The following PDZRN3 variants were observed in gnomAD, a reference collection of about 807,000 sequenced individuals.
PDZRN3 encodes PDZ domain containing ring finger 3, also known as E3 ubiquitin-protein ligase PDZRN3.
PDZRN3 carries 38 observed loss-of-function variants against 85.7 expected under a neutral mutation model. The observed-to-expected ratio is 0.44, with a 90% CI of 0.34 to 0.58. The LOEUF is 0.58. Among genes scored for constraint, PDZRN3 ranks in the 20% least tolerant of loss-of-function variants. The probability of loss-of-function intolerance (pLI) is 0.01; values close to 1 mark genes in which losing one functional copy is unlikely to be tolerated. For missense variants in PDZRN3, 1,629 were observed against 1,506.4 expected (o/e 1.08, Z -1.35); for synonymous variants, 759 against 638.0 (o/e 1.19, Z -2.86).
chr3:73,504,960 T>C (rs1704044714), intron 3 of PDZRN3, among the ~76,000 whole-genome samples: 2 of 152,216 alleles, frequency 1.3e-5, no homozygotes, highest in East Asian at 1.9e-4. Flanking sequence ...AATGTTTTCA[T>C]ATGAATGTGC....
intron 3 of PDZRN3, among the ~76,000 whole-genome samples, chr3:73,426,518 AATTT>A (rs1481154560): frequency 6.6e-6 from 1 of 152,168 alleles, no homozygotes; most frequent in East Asian, 1.9e-4. Context: ...CAAACAAAAC[AATTT>A]ATTTTTGGTA....
chr3:73,469,488 T>C (rs1244112376), intron 3 of PDZRN3, among the ~76,000 whole-genome samples: 1 of 152,208 alleles, frequency 6.6e-6, no homozygotes, highest in East Asian at 1.9e-4. Flanking sequence ...TGCATGCTCT[T>C]GGGGATGGCT....
rs539624915 is a variant in PDZRN3 at position 73,512,499 on chromosome 3, A to C, written c.918+89855T>G. Among the ~76,000 whole-genome samples the C allele has an allele frequency of 5.9e-5, 9 of 152,288 alleles. No individual in the cohort carries two copies. The South Asian group carries it at 1.9e-3, about 32-fold the overall frequency. On this transcript the variant is annotated intron_variant, in intron 3 of 9. Coordinates refer to ENST00000263666, the MANE Select transcript of PDZRN3 (RefSeq NM_015009.3). Reference sequence around the variant, plus strand: ...CATAAAACCCAATGGCAGGCATTTAATAGCGTCATATGGGAATTTTAGTTG... The same window carrying C: ...CATAAAACCCAATGGCAGGCATTTACTAGCGTCATATGGGAATTTTAGTTG...
At chr3:73,461,735 T>C (rs1042139056) in intron 3 of PDZRN3, among the ~76,000 whole-genome samples, 2 of 152,304 alleles carry the variant, frequency 1.3e-5, no homozygotes, top group Admixed American at 6.5e-5. Flanking sequence ...ATGTCATGTG[T>C]ACATAAAAAA....
chr3:73,612,373 C>G lies in PDZRN3; in HGVS notation c.724-3689G>C, dbSNP rs536186794. On this transcript the variant is annotated intron_variant, in intron 1 of 9. Coordinates refer to ENST00000263666, the MANE Select transcript of PDZRN3 (RefSeq NM_015009.3). ...TGTTTGCACCCTGTTCTAAATCCTT[C>G]TGCCTCCAAAGACTGAGCCTGGCAT... Among the ~76,000 whole-genome samples the G allele has an allele frequency of 2.9e-3, 448 of 152,328 alleles. 3 individuals carry two copies. The highest frequency in any genetic ancestry group is 4.9e-3 in the Non-Finnish European group (335 of 68,030).
At chr3:73,478,415 C>T (rs2106900258) in intron 3 of PDZRN3, among the ~76,000 whole-genome samples, 1 of 152,262 alleles carries the variant, frequency 6.6e-6, no homozygotes, top group African/African-American at 2.4e-5. Flanking sequence ...TTATAGAAAT[C>T]TAATGCCTGA....
chr3:73,447,929 T>C (rs1045093483), intron 3 of PDZRN3, among the ~76,000 whole-genome samples: 18 of 152,184 alleles, frequency 1.2e-4, no homozygotes, highest in African/African-American at 4.3e-4. Flanking sequence ...GCTAGCTCCT[T>C]TTCCTCTTGC....
At chr3:73,432,508 GCAGA>G (rs1444713513) in intron 3 of PDZRN3, among the ~76,000 whole-genome samples, 1 of 152,134 alleles carries the variant, frequency 6.6e-6, no homozygotes, top group East Asian at 1.9e-4. Context: ...AGTGGGGAAG[GCAGA>G]CAGACAGAGA....
intron 3 of PDZRN3, among the ~76,000 whole-genome samples, chr3:73,421,368 C>T (rs957106039): frequency 1.3e-5 from 2 of 152,180 alleles, no homozygotes; most frequent in Non-Finnish European, 2.9e-5. Context: ...AAGCCTTCCC[C>T]TTTTACAACT....
chr3:73,487,239 G>A (rs4396823), intron 3 of PDZRN3, among the ~76,000 whole-genome samples: 151,762 of 152,264 alleles, frequency 1, 75,636 homozygotes, highest in Middle Eastern at 1. Context: ...CCACTTTCTA[G>A]AAAAATTTTT....
At chr3:73,410,376 A>G (rs1266821867) in intron 3 of PDZRN3, among the ~76,000 whole-genome samples, 1 of 152,216 alleles carries the variant, frequency 6.6e-6, no homozygotes, top group Non-Finnish European at 1.5e-5. Context: ...AAGTACGTCT[A>G]CTTCAGAGAT....
chr3:73,428,703 T>C (rs1702368775), intron 3 of PDZRN3, among the ~76,000 whole-genome samples: 1 of 152,204 alleles, frequency 6.6e-6, no homozygotes, highest in African/African-American at 2.4e-5. Context: ...AGGTAATCTC[T>C]GGTCCCACCC....
At chr3:73,505,260 C>T (rs1197722910) in intron 3 of PDZRN3, among the ~76,000 whole-genome samples, 1 of 152,060 alleles carries the variant, frequency 6.6e-6, no homozygotes, top group East Asian at 1.9e-4. Context: ...ATGAAATTAC[C>T]CTCTGATTGA....
rs1428983240 is a variant in PDZRN3, at chr3:73,624,282, T to C, written c.544A>G (p.Lys182Glu). ...CGCAGCGCCTCCTTCTTGAGCGCCT[T>C]GTGCAGCGCGCCCAGGCGGGCCTGG... ...ALQARLGALH[K>E]ALKKEALRAG... Residue 182 changes from lysine (K) to glutamate (E), a missense_variant, in exon 1 of 10, where the codon AAG becomes GAG. Lys to Glu is a moderately conservative substitution (Grantham distance 56). Coordinates refer to ENST00000263666, the MANE Select transcript of PDZRN3 (RefSeq NM_015009.3). 1.2e-5 allele frequency: 16 copies of C among 1,380,516 alleles called. No homozygotes were observed. Among genetic ancestry groups the C allele is most frequent in the Non-Finnish European group, 1.4e-5 (15 of 1,075,476 alleles). 85.5% of individuals were successfully genotyped at this position (1,380,516 alleles called of 1,614,324 possible).
In PDZRN3 at chr3:73,386,226, C is replaced by CTTTTTTATTTTT. The variant is rs1701382076; in HGVS notation, c.1519-442_1519-441insAAAAATAAAAAA. On this transcript the variant is annotated intron_variant, in intron 8 of 9. Coordinates refer to ENST00000263666, the MANE Select transcript of PDZRN3 (RefSeq NM_015009.3). ...GCTGTTTGGCTTGGGCAAGATATCACTTTTTTTTTTTTTTTTTTTGAGACA... is the reference window on the plus strand; with the variant it reads ...GCTGTTTGGCTTGGGCAAGATATCACTTTTTTATTTTTTTTTTTTTTTTTTTTTTTTGAGACA... Among the ~76,000 whole-genome samples the CTTTTTTATTTTT allele has an allele frequency of 3.3e-5, 3 of 90,730 alleles. 1 individual carries two copies. The highest frequency in any genetic ancestry group is 6.2e-5 in the Non-Finnish European group (3 of 48,438). The allele number at this position is 90,730 out of a possible 152,430, so 59.5% of individuals were successfully genotyped here.
intron 8 of PDZRN3, 150 bp downstream of exon 8, chr3:73,387,818 G>C (rs73838519): frequency 1.7e-6 from 1 of 591,214 alleles, no homozygotes; most frequent in Admixed American, 2.7e-5. Flanking sequence ...CTCATAAAGT[G>C]AATTCTGAAT....
chr3:73,390,650 TGTGTGA>T lies in PDZRN3; in HGVS notation c.1353+362_1353+367del, dbSNP rs1213667646. On this transcript the variant is annotated intron_variant, in intron 6 of 9. Transcript: ENST00000263666. ...AGAAAAAAAAATGTGTGTGTGTGTGTGTGTGAGAGAGAGAGAGAGAGAGGCTTTAAA... is the reference window on the plus strand; with the variant it reads ...AGAAAAAAAAATGTGTGTGTGTGTGTGAGAGAGAGAGAGAGAGGCTTTAAA... Among the ~76,000 whole-genome samples the T allele has an allele frequency of 3.1e-5, 4 of 130,126 alleles. No homozygotes were observed. The Admixed American group carries it at 3.3e-4, about 11-fold the overall frequency. 85.4% of individuals were successfully genotyped at this position (130,126 alleles called of 152,430 possible). A position where few individuals can be genotyped will look rare whatever the true frequency, so the allele number is the denominator to read the frequency against.
chr3:73,389,693 T>A, intron 7 of PDZRN3, 123 bp downstream of exon 7: 1 of 729,014 alleles, frequency 1.4e-6, no homozygotes, highest in South Asian at 1.5e-5. Flanking sequence ...TCACTACACA[T>A]CTGCGTTTGT....
chr3:73,424,367 CAAAAAAAAAA>C (rs66466551), intron 3 of PDZRN3, among the ~76,000 whole-genome samples: 12 of 54,854 alleles, frequency 2.2e-4, no homozygotes, highest in Non-Finnish European at 1.6e-4. Flanking sequence ...CCGTCTCTAC[CAAAAAAAAAA>C]AAAAAAAAAA....
Sources: gnomAD v4.1 joint callset for allele counts (sites outside exome capture counted in the v4.1 genomes callset) on GRCh38, gnomAD v4.1.1 for gene constraint, MANE v1.5 for transcripts, NCBI Gene and HGNC (gene_info 2026-07-23, HGNC 2026-07-21) for gene names.